The following CCDC141 variants were observed in gnomAD, a reference collection of about 807,000 sequenced individuals.
CCDC141 encodes the protein coiled-coil domain-containing protein 141.
A neutral mutation model predicts 181.0 loss-of-function variants in CCDC141; 168 were observed. That is an observed-to-expected ratio of 0.93 (90% confidence interval 0.82 to 1.05). The LOEUF is 1.05. Among genes scored for constraint, CCDC141 ranks in the 50% least tolerant of loss-of-function variants. The probability of loss-of-function intolerance (pLI) is 0.00; values close to 1 mark genes in which losing one functional copy is unlikely to be tolerated. For synonymous variants in CCDC141, 666 were observed against 642.3 expected, an observed-to-expected ratio of 1.04 and a Z score of -0.56; for missense variants, 1,902 against 1,788.5, an observed-to-expected ratio of 1.06 and a Z score of -1.14.
intron 2 of CCDC141, among the ~76,000 whole-genome samples, chr2:178,989,500 A>G (rs1242977781): frequency 1.3e-5 from 2 of 151,746 alleles, no homozygotes; most frequent in Non-Finnish European, 2.9e-5. Flanking sequence ...AGGCTGAGGC[A>G]GGAGAATTGC....
At chr2:178,996,046 G>A (rs186351871) in intron 2 of CCDC141, among the ~76,000 whole-genome samples, 2 of 151,612 alleles carry the variant, frequency 1.3e-5, no homozygotes, top group African/African-American at 2.4e-5. Context: ...AATGAGTGTG[G>A]TAAGAACTGA....
chr2:178,940,245 G>A (rs116561266), intron 6 of CCDC141, among the ~76,000 whole-genome samples: 1 of 152,130 alleles, frequency 6.6e-6, no homozygotes, highest in Non-Finnish European at 1.5e-5. Context: ...GGGAGGCAGT[G>A]ATAAGTTAGG....
rs71023458 is a variant in CCDC141 at position 178,860,543 on chromosome 2, CTT to C, written c.2725-4148_2725-4147del. ...GCGAGACTCAAAAAAAAAAACAACACTTTTTTTTTTTTTTTTTTTTTTTTTTT... is the reference window on the plus strand; with the variant it reads ...GCGAGACTCAAAAAAAAAAACAACACTTTTTTTTTTTTTTTTTTTTTTTTT... On this transcript the variant is annotated intron_variant, in intron 17 of 23. Transcript: ENST00000443758. Among the ~76,000 whole-genome samples the C allele has an allele frequency of 4.1e-4, 21 of 51,352 alleles. No individual in the cohort carries two copies. In the South Asian group the frequency reaches 6.8e-3, roughly 17 times the overall value. The allele number at this position is 51,352 out of a possible 152,430, so 33.7% of individuals were successfully genotyped here.
intron 2 of CCDC141, among the ~76,000 whole-genome samples, chr2:179,015,272 TCTC>T (rs1187362742): frequency 3.0e-5 from 4 of 133,192 alleles, no homozygotes; most frequent in African/African-American, 8.1e-5. Flanking sequence ...ATCATATATA[TCTC>T]ATCTATCTCT....
chr2:178,858,522 G>A (rs796124670), intron 17 of CCDC141, among the ~76,000 whole-genome samples: 1 of 152,096 alleles, frequency 6.6e-6, no homozygotes, highest in Admixed American at 6.5e-5. Flanking sequence ...CAGAGTTTCT[G>A]TTTAGGTTGA....
At chr2:178,959,899 C>T (rs1276271910) in intron 5 of CCDC141, among the ~76,000 whole-genome samples, 1 of 152,178 alleles carries the variant, frequency 6.6e-6, no homozygotes, top group Non-Finnish European at 1.5e-5. Flanking sequence ...TTACCTTATT[C>T]GATTTCATCA....
intron 23 of CCDC141, 104 bp downstream of exon 23, chr2:178,836,790 T>C (rs1684492582): frequency 7.8e-7 from 1 of 1,286,574 alleles, no homozygotes; most frequent in Non-Finnish European, 1.1e-6. Context: ...TGTCATAGAA[T>C]ATTAATCAGC....
At position 178,886,884 on chromosome 2, in the gene CCDC141, A is replaced by AT; in HGVS notation, c.1408-14dup. 1 of 1,380,082 alleles carries AT rather than the reference A, an allele frequency of 7.2e-7. No homozygotes were observed. The highest frequency in any genetic ancestry group is 9.4e-7 in the Non-Finnish European group (1 of 1,063,302). The allele number at this position is 1,380,082 out of a possible 1,614,324, so 85.5% of individuals were successfully genotyped here. On this transcript the variant is annotated splice_polypyrimidine_tract_variant and intron_variant, in intron 9 of 23. Transcript: ENST00000443758. ...TTGACATTTCCACCTTTAGGAGTGAATAATATATGGCAGTCTTAGTAATAT... is the reference window on the plus strand; with the variant it reads ...TTGACATTTCCACCTTTAGGAGTGAATTAATATATGGCAGTCTTAGTAATAT...
In CCDC141 at chr2:178,978,468, T is replaced by G. The variant is rs1691219923; in HGVS notation, c.417+16A>C. The G allele has an allele frequency of 7.1e-7, 1 of 1,403,926 alleles. No individual in the cohort carries two copies. Among genetic ancestry groups the G allele is most frequent in the East Asian group, 2.8e-5 (1 of 35,652 alleles). 87.0% of individuals were successfully genotyped at this position (1,403,926 alleles called of 1,614,324 possible). Reference sequence around the variant, plus strand: ...GCTCTGATGTGGGGAAGGGAGAAGTTTTTTAAAGTACAAACCTCTAAGGCA... The same window carrying G: ...GCTCTGATGTGGGGAAGGGAGAAGTGTTTTAAAGTACAAACCTCTAAGGCA... On this transcript the variant is annotated intron_variant, in intron 3 of 23. Coordinates refer to ENST00000443758, the MANE Select transcript of CCDC141 (RefSeq NM_173648.4).
chr2:178,976,403 C>A (rs1442078288), intron 3 of CCDC141, among the ~76,000 whole-genome samples: 1 of 152,102 alleles, frequency 6.6e-6, no homozygotes, highest in African/African-American at 2.4e-5. Context: ...ACACAATCGA[C>A]TGTAGTTTAT....
the CCDC141 span, among the ~76,000 whole-genome samples, chr2:178,818,011 C>T: frequency 6.6e-6 from 1 of 152,132 alleles, no homozygotes; most frequent in African/African-American, 2.4e-5. Flanking sequence ...CTATGTTGGC[C>T]AGGCTGGTCC....
At chr2:178,925,826 T>C (rs1187261176) in intron 6 of CCDC141, among the ~76,000 whole-genome samples, 1 of 152,170 alleles carries the variant, frequency 6.6e-6, no homozygotes, top group Non-Finnish European at 1.5e-5. Flanking sequence ...TATCTTAATG[T>C]TCTCGGAGGA....
At chr2:178,978,974 T>A (rs1421614825) in intron 2 of CCDC141, among the ~76,000 whole-genome samples, 1 of 152,098 alleles carries the variant, frequency 6.6e-6, no homozygotes, top group African/African-American at 2.4e-5. Context: ...TATGTTAATC[T>A]AACAGTTCCA....
rs1345322012 is a variant in CCDC141, at chr2:179,049,931, T to C, written c.11A>G (p.Gln4Arg). 6.4e-7 allele frequency: 1 copy of C among 1,550,544 alleles called. No homozygotes were observed. The highest frequency in any genetic ancestry group is 2.0e-5 in the Admixed American group (1 of 51,014). The change falls in exon 1 of 24, where the codon CAA (glutamine) becomes CGA (arginine). Residue 4 changes from glutamine to arginine, a missense_variant. Gln to Arg is a conservative substitution (Grantham distance 43, BLOSUM62 1). Transcript: ENST00000443758. MSS[Q>R]GSPSVALSTT... The stretch of plus-strand genomic sequence containing the variant: ...AGAAAGCGCAACACTAGGACTTCCT[T>C]GGCTGGACATGGTACTTTAGAACCA...
intron 14 of CCDC141, among the ~76,000 whole-genome samples, chr2:178,870,463 G>A (rs1686067412): frequency 6.6e-6 from 1 of 152,110 alleles, no homozygotes; most frequent in South Asian, 2.1e-4. Flanking sequence ...TCCTGATTTA[G>A]AGGAACTTAC....
At chr2:178,840,931 T>C (rs1170154888) in intron 22 of CCDC141, among the ~76,000 whole-genome samples, 1 of 152,230 alleles carries the variant, frequency 6.6e-6, no homozygotes, top group Non-Finnish European at 1.5e-5. Flanking sequence ...TCTGGAACCA[T>C]TTAACTTCCC....
Position 178,834,383 on chromosome 2 carries a change from C to T in CCDC141, c.4383G>A (p.Glu1461=). 1 of 1,536,436 alleles carries T rather than the reference C, an allele frequency of 6.5e-7. No individual in the cohort carries two copies. The highest frequency in any genetic ancestry group is 8.7e-7 in the Non-Finnish European group (1 of 1,146,910). ...TTGGAATGAACACCGAATGCCTTGT[C>T]TCCTTGTGTAAAACCTGTAAGTGCC... ...ADGHLQVLHK[E]TRHSVFIPKV... Residue 1461 remains glutamate, a synonymous_variant, in exon 24 of 24, where the codon GAG becomes GAA. Transcript: ENST00000443758.
At chr2:179,037,532 A>C (rs1351205678) in intron 2 of CCDC141, among the ~76,000 whole-genome samples, 5 of 152,332 alleles carry the variant, frequency 3.3e-5, no homozygotes, top group South Asian at 2.1e-4. Context: ...ATACATTCTT[A>C]AAGAATATCA....
intron 6 of CCDC141, among the ~76,000 whole-genome samples, chr2:178,927,108 G>A (rs995994868): frequency 6.6e-6 from 1 of 152,080 alleles, no homozygotes; most frequent in African/African-American, 2.4e-5. Flanking sequence ...GAAATCACTT[G>A]TCTTCTAACA....
Sources: allele counts gnomAD v4.1 joint callset (sites outside exome capture counted in the v4.1 genomes callset), GRCh38; gene constraint gnomAD v4.1.1; transcripts MANE v1.5; gene names NCBI Gene and HGNC (gene_info 2026-07-23, HGNC 2026-07-21).